TRHDE: variants seen among roughly 807,000 people sequenced by gnomAD.
The protein encoded by TRHDE is thyrotropin-releasing hormone-degrading ectoenzyme.
In TRHDE, 72 loss-of-function variants were observed where a neutral mutation model predicts 125.7. The ratio of observed to expected loss-of-function variants is 0.57; its 90% CI spans 0.47 to 0.70. The LOEUF (loss-of-function observed/expected upper bound fraction) is 0.70. TRHDE is among the 30% of genes least tolerant of loss of function. The pLI is 0.00. For synonymous variants in TRHDE, 509 were observed against 509.1 expected, an observed-to-expected ratio of 1.00 and a Z score of 0.00; for missense variants, 1,110 against 1,327.1, an observed-to-expected ratio of 0.84 and a Z score of 2.54.
chr12:72,131,879 T>C (rs1004857450), intron 2 of TRHDE, among the ~76,000 whole-genome samples: 1 of 152,238 alleles, frequency 6.6e-6, no homozygotes, highest in Non-Finnish European at 1.5e-5. Context: ...GGGAAGCATG[T>C]TCCCCCTACA....
At chr12:72,392,470 GA>G (rs1269219596) in intron 3 of TRHDE, among the ~76,000 whole-genome samples, 1 of 152,140 alleles carries the variant, frequency 6.6e-6, no homozygotes, top group Admixed American at 6.6e-5. Flanking sequence ...ATATGTGATA[GA>G]AAAAAATTTT....
chr12:72,622,848 A>C (rs188088386), intron 15 of TRHDE, among the ~76,000 whole-genome samples: 1 of 152,126 alleles, frequency 6.6e-6, no homozygotes, highest in Admixed American at 6.6e-5. Context: ...ACCTTCCTGT[A>C]GCATTTCCTG....
chr12:72,334,035 T>C (rs1869722502), intron 2 of TRHDE, among the ~76,000 whole-genome samples: 1 of 152,192 alleles, frequency 6.6e-6, no homozygotes, highest in Non-Finnish European at 1.5e-5. Flanking sequence ...GCTTTCCTAA[T>C]TACTCTCTCT....
chr12:72,515,087 G>A (rs1322887546), intron 6 of TRHDE, among the ~76,000 whole-genome samples: 6 of 130,670 alleles, frequency 4.6e-5, no homozygotes, highest in Admixed American at 3.1e-4. Flanking sequence ...GAATAGTGCT[G>A]CAATAAACAT....
chr12:72,118,162 C>T (rs1280918426), intron 2 of TRHDE, among the ~76,000 whole-genome samples: 2 of 151,882 alleles, frequency 1.3e-5, no homozygotes, highest in South Asian at 2.1e-4. Context: ...GGAAGATTTT[C>T]CCCATTCAAT....
At chr12:72,634,841 T>C (rs1239219694) in intron 15 of TRHDE, among the ~76,000 whole-genome samples, 4 of 152,040 alleles carry the variant, frequency 2.6e-5, no homozygotes, top group Non-Finnish European at 5.9e-5. Context: ...TCATCATTTT[T>C]TATGGCTGCA....
chr12:72,286,982 T>C, intron 2 of TRHDE, 28 bp downstream of exon 2: 1 of 1,607,068 alleles, frequency 6.2e-7, no homozygotes, highest in South Asian at 1.1e-5. Context: ...AATGATGTTT[T>C]TGGATAATGT....
At chr12:72,585,307 C>T (rs151245464) in intron 12 of TRHDE, among the ~76,000 whole-genome samples, 76 of 152,128 alleles carry the variant, frequency 5.0e-4, no homozygotes, top group African/African-American at 1.4e-3. Flanking sequence ...TTTCCTTTCC[C>T]GATTGGTAAG....
intron 12 of TRHDE, among the ~76,000 whole-genome samples, chr12:72,585,307 C>A (rs151245464): frequency 6.6e-6 from 1 of 152,012 alleles, no homozygotes; most frequent in Non-Finnish European, 1.5e-5. Flanking sequence ...TTTCCTTTCC[C>A]GATTGGTAAG....
chr12:72,615,651 G>A (rs189761824), intron 12 of TRHDE, among the ~76,000 whole-genome samples: 19 of 152,196 alleles, frequency 1.2e-4, no homozygotes, highest in African/African-American at 4.6e-4. Flanking sequence ...ACATATGTTG[G>A]TATCACAGCA....
At chr12:72,392,412 A>G (rs1447226197) in intron 3 of TRHDE, among the ~76,000 whole-genome samples, 1 of 152,128 alleles carries the variant, frequency 6.6e-6, no homozygotes, top group African/African-American at 2.4e-5. Context: ...TACTTCCTTA[A>G]ATATCTTTTA....
intron 1 of TRHDE, among the ~76,000 whole-genome samples, chr12:72,281,000 C>T (rs941329742): frequency 6.6e-6 from 1 of 152,022 alleles, no homozygotes; most frequent in African/African-American, 2.4e-5. Context: ...ATTCATAATA[C>T]CCTTCAACAA....
intron 3 of TRHDE, among the ~76,000 whole-genome samples, chr12:72,392,865 A>AT (rs1289266713): frequency 3.3e-5 from 5 of 151,936 alleles, no homozygotes; most frequent in East Asian, 3.9e-4. Context: ...TAACTAGTAC[A>AT]TTTTTTTCCT....
chr12:72,565,517 C>G (rs1342943621), intron 9 of TRHDE, among the ~76,000 whole-genome samples: 2 of 152,082 alleles, frequency 1.3e-5, no homozygotes, highest in Non-Finnish European at 2.9e-5. Flanking sequence ...TTTGCGTAGC[C>G]TTTTTCATTA....
intron 6 of TRHDE, among the ~76,000 whole-genome samples, chr12:72,512,898 G>A (rs984524316): frequency 1.3e-5 from 2 of 151,822 alleles, no homozygotes; most frequent in Non-Finnish European, 2.9e-5. Flanking sequence ...AATATAAGTA[G>A]TGTTTGTACA....
At chr12:72,582,091 G>C in intron 12 of TRHDE, 1 of 229,576 alleles carries the variant, frequency 4.4e-6, no homozygotes, top group Non-Finnish European at 5.8e-6. Context: ...GACAGAGCGA[G>C]ACTCCGTCTC....
chr12:72,531,038 C>T (rs1416540964), intron 6 of TRHDE, among the ~76,000 whole-genome samples: 3 of 152,008 alleles, frequency 2.0e-5, no homozygotes, highest in African/African-American at 7.2e-5. Flanking sequence ...TTTAGCATAA[C>T]ATTTTCTTCC....
intron 2 of TRHDE, among the ~76,000 whole-genome samples, chr12:72,123,162 G>A (rs1875631517): frequency 6.6e-6 from 1 of 152,118 alleles, no homozygotes; most frequent in African/African-American, 2.4e-5. Flanking sequence ...TTGTGGTAGT[G>A]CTGTGTACAC....
chr12:72,540,485 C>A (rs1169223954), intron 6 of TRHDE, among the ~76,000 whole-genome samples: 4 of 151,654 alleles, frequency 2.6e-5, no homozygotes, highest in Non-Finnish European at 4.4e-5. Context: ...GAGACCAAGT[C>A]ATCATTACCT....
Sources: allele counts gnomAD v4.1 joint callset (sites outside exome capture counted in the v4.1 genomes callset), GRCh38; gene constraint gnomAD v4.1.1; transcripts MANE v1.5; gene names NCBI Gene and HGNC (gene_info 2026-07-23, HGNC 2026-07-21).